LRRC7: variants seen among roughly 807,000 people sequenced by gnomAD.
LRRC7 encodes the protein leucine-rich repeat-containing protein 7.
LRRC7 carries 23 observed loss-of-function variants against 175.7 expected under a neutral mutation model. The observed-to-expected ratio is 0.13, with a 90% confidence interval of 0.09 to 0.19. LRRC7 has a LOEUF of 0.19. Among genes scored for constraint, LRRC7 ranks in the 10% least tolerant of loss-of-function variants. The pLI is 1.00. For synonymous variants in LRRC7, 685 were observed against 680.9 expected, an observed-to-expected ratio of 1.01 and a Z score of -0.09; for missense variants, 1,354 against 1,904.7, an observed-to-expected ratio of 0.71 and a Z score of 5.38.
chr1:69,600,649 T>A (rs1316231575), intron 1 of LRRC7, among the ~76,000 whole-genome samples: 1 of 152,132 alleles, frequency 6.6e-6, no homozygotes, highest in African/African-American at 2.4e-5. Flanking sequence ...CTGCTCTTCA[T>A]TTGGCTCCTA....
At chr1:69,908,004 C>T (rs1217394668) in intron 7 of LRRC7, among the ~76,000 whole-genome samples, 1 of 152,088 alleles carries the variant, frequency 6.6e-6, no homozygotes, top group Non-Finnish European at 1.5e-5. Flanking sequence ...GTGTATGTGT[C>T]GAGGAATTTA....
At chr1:69,702,581 A>G (rs963422868) in intron 2 of LRRC7, among the ~76,000 whole-genome samples, 1 of 152,144 alleles carries the variant, frequency 6.6e-6, no homozygotes, top group African/African-American at 2.4e-5. Context: ...GGGAAGGGGA[A>G]AAAATGGGAA....
intron 2 of LRRC7, among the ~76,000 whole-genome samples, chr1:69,758,809 A>C (rs1341309327): frequency 6.6e-6 from 1 of 151,976 alleles, no homozygotes; most frequent in Non-Finnish European, 1.5e-5. Context: ...TTGTCTCCAA[A>C]TTTGACTTAA....
rs1038450913 is a variant in LRRC7 at position 69,911,318 on chromosome 1, C to A, written c.648-20189C>A. On this transcript the variant is annotated intron_variant, in intron 7 of 26. Coordinates refer to ENST00000651989, the MANE Select transcript of LRRC7 (RefSeq NM_001370785.2). Reference sequence around the variant, plus strand: ...TCACGCTGGGAGCTGTAGACTGGAGCTGTTCCTATTCGGCCTTCTTGGCTC... The same window carrying A: ...TCACGCTGGGAGCTGTAGACTGGAGATGTTCCTATTCGGCCTTCTTGGCTC... 1.3e-5 allele frequency among the ~76,000 whole-genome samples: 2 copies of A among 152,222 alleles called. 1 individual carries two copies. The highest frequency in any genetic ancestry group is 2.9e-5 in the Non-Finnish European group (2 of 68,036).
At chr1:70,027,595 T>C (rs1321716079) in intron 17 of LRRC7, among the ~76,000 whole-genome samples, 4 of 152,130 alleles carry the variant, frequency 2.6e-5, no homozygotes, top group African/African-American at 9.7e-5. Flanking sequence ...TGAAGCATTT[T>C]TTCCCCTTAG....
At chr1:69,616,437 T>C (rs1016548234) in intron 1 of LRRC7, among the ~76,000 whole-genome samples, 4 of 152,048 alleles carry the variant, frequency 2.6e-5, no homozygotes, top group African/African-American at 9.7e-5. Context: ...TTCTATAAGA[T>C]AGCATAGTGA....
At chr1:70,019,374 C>T (rs910968524) in intron 15 of LRRC7, among the ~76,000 whole-genome samples, 6 of 151,992 alleles carry the variant, frequency 3.9e-5, no homozygotes, top group African/African-American at 1.2e-4. Flanking sequence ...ATCTTCTCTT[C>T]TATGATCACA....
chr1:69,655,133 T>A (rs1322714962), intron 1 of LRRC7, among the ~76,000 whole-genome samples: 30 of 152,114 alleles, frequency 2.0e-4, no homozygotes, highest in Non-Finnish European at 1.5e-5. Flanking sequence ...GATAAATTAC[T>A]ACTCCATAAA....
intron 7 of LRRC7, among the ~76,000 whole-genome samples, chr1:69,841,312 T>A (rs1170311221): frequency 6.6e-6 from 1 of 152,076 alleles, no homozygotes; most frequent in Non-Finnish European, 1.5e-5. Context: ...ACAGAAGCCT[T>A]GGTCTTCTTA....
At chr1:69,702,179 T>C (rs1663435577) in intron 2 of LRRC7, among the ~76,000 whole-genome samples, 2 of 152,200 alleles carry the variant, frequency 1.3e-5, no homozygotes. Context: ...ATGAATAATG[T>C]TACCTATCTG....
intron 2 of LRRC7, among the ~76,000 whole-genome samples, chr1:69,700,673 A>C (rs1035632156): frequency 6.6e-6 from 1 of 152,202 alleles, no homozygotes; most frequent in African/African-American, 2.4e-5. Flanking sequence ...GCCAAGGGGG[A>C]AGAGAAGACC....
At chr1:69,691,615 T>C (rs914880928) in intron 2 of LRRC7, among the ~76,000 whole-genome samples, 1 of 151,904 alleles carries the variant, frequency 6.6e-6, no homozygotes, top group Non-Finnish European at 1.5e-5. Context: ...CTGAGCAACA[T>C]GGCGAAACTC....
At chr1:70,121,680 C>A (rs1666215983) in intron 26 of LRRC7, 100 bp from the exon 27 acceptor site, 7 of 730,966 alleles carry the variant, frequency 9.6e-6, no homozygotes, top group Non-Finnish European at 1.6e-5. Context: ...AAACTGACAA[C>A]TTTTTGTTGC....
intron 1 of LRRC7, among the ~76,000 whole-genome samples, chr1:69,605,226 CT>C (rs1244567610): frequency 6.6e-6 from 1 of 152,134 alleles, no homozygotes; most frequent in Non-Finnish European, 1.5e-5. Context: ...GGGAGTCCCC[CT>C]ACACAAGCTC....
intron 7 of LRRC7, among the ~76,000 whole-genome samples, chr1:69,872,481 A>G (rs1467390440): frequency 1.3e-5 from 2 of 151,990 alleles, no homozygotes; most frequent in South Asian, 2.1e-4. Context: ...AAAAATGCCA[A>G]TTTCTTAAAT....
rs565543295 is a variant in LRRC7 at position 69,724,524 on chromosome 1, T to A, written c.101-35667T>A. Among the ~76,000 whole-genome samples, 3 of 152,328 alleles carry A rather than the reference T, an allele frequency of 2.0e-5. No homozygotes were observed. The East Asian group carries it at 5.8e-4, about 29-fold the overall frequency. On this transcript the variant is annotated intron_variant, in intron 2 of 26. Coordinates refer to ENST00000651989, the MANE Select transcript of LRRC7 (RefSeq NM_001370785.2). ...GAGAATCAAGAAATATAAATCAAAT[T>A]GGACAAATTTATTTTTGAAAAGAAG...
chr1:70,052,960 C>G, intron 22 of LRRC7, 66 bp from the exon 23 acceptor site: 1 of 1,459,292 alleles, frequency 6.9e-7, no homozygotes, highest in Non-Finnish European at 9.1e-7. Flanking sequence ...ATTAGGGACT[C>G]TTTTCAGAAA....
chr1:70,044,166 T>G (rs1660148869), intron 22 of LRRC7, 72 bp downstream of exon 22: 12 of 1,518,766 alleles, frequency 7.9e-6, no homozygotes, highest in Non-Finnish European at 1.1e-5. Flanking sequence ...TTAATGTGTT[T>G]AGGCTATACA....
In LRRC7 at chr1:70,102,528, T is replaced by C. The variant is rs768947646; in HGVS notation, c.4546-5224T>C. On this transcript the variant is annotated intron_variant, in intron 25 of 26. Transcript: ENST00000651989. ...TTGAGTTGTAGATTGAGTTTCAGAC[T>C]TTTTTTAAGAAGTAAAAATAGAGAT... is the stretch of plus-strand genomic sequence containing the variant. 4.2e-4 allele frequency among the ~76,000 whole-genome samples: 64 copies of C among 152,118 alleles called. 1 individual carries two copies. Among genetic ancestry groups the C allele is most frequent in the Non-Finnish European group, 8.8e-5 (6 of 68,020 alleles).
Sources: gnomAD v4.1 joint callset for allele counts (sites outside exome capture counted in the v4.1 genomes callset) on GRCh38, gnomAD v4.1.1 for gene constraint, MANE v1.5 for transcripts, NCBI Gene and HGNC (gene_info 2026-07-23, HGNC 2026-07-21) for gene names.